The following FBXO15 variants were observed in gnomAD, a reference collection of about 807,000 sequenced individuals.
FBXO15 encodes F-box only protein 15.
A neutral mutation model predicts 49.5 loss-of-function variants in FBXO15; 30 were observed. The ratio of observed to expected loss-of-function variants is 0.61; its 90% CI spans 0.45 to 0.82. The LOEUF is 0.82. FBXO15 is among the 40% of genes least tolerant of loss of function. FBXO15 has a pLI of 0.00. For missense variants in FBXO15, 591 were observed against 631.5 expected (o/e 0.94, Z 0.69); for synonymous variants, 250 against 232.7 (o/e 1.07, Z -0.68).
intron 8 of FBXO15, among the ~76,000 whole-genome samples, chr18:74,103,002 T>C (rs964134963): frequency 6.6e-6 from 1 of 152,052 alleles, no homozygotes; most frequent in African/African-American, 2.4e-5. Context: ...TTGGGTTCAT[T>C]GTATACTGCT....
rs1568186088 is a variant in FBXO15 at position 74,145,593 on chromosome 18, A to AGTTTTT, written c.116+2076_116+2077insAAAAAC. Reference sequence around the variant, plus strand: ...TTTATCCATAAAATAAACCAACTGCACTTTTTTTTTTTTTTTTTTTTTGCG... The same window carrying AGTTTTT: ...TTTATCCATAAAATAAACCAACTGCAGTTTTTCTTTTTTTTTTTTTTTTTTTTTGCG... On this transcript the variant is annotated intron_variant, in intron 1 of 9. Coordinates refer to ENST00000419743, the MANE Select transcript of FBXO15 (RefSeq NM_001142958.2). 3.6e-4 allele frequency among the ~76,000 whole-genome samples: 39 copies of AGTTTTT among 108,126 alleles called. 1 individual carries two copies. Among genetic ancestry groups the AGTTTTT allele is most frequent in the African/African-American group, 1.7e-3 (38 of 22,142 alleles). The allele number at this position is 108,126 out of a possible 152,430, so 70.9% of individuals were successfully genotyped here. A position where few individuals can be genotyped will look rare whatever the true frequency, so the allele number is the denominator to read the frequency against.
intron 8 of FBXO15, chr18:74,098,376 G>T (rs2145139798): frequency 6.6e-6 from 1 of 152,230 alleles, no homozygotes; most frequent in Non-Finnish European, 1.5e-5. Flanking sequence ...AAAGATATAA[G>T]AAATGAGGGG....
chr18:74,139,551 C>G (rs1978935452), intron 2 of FBXO15, among the ~76,000 whole-genome samples: 1 of 152,120 alleles, frequency 6.6e-6, no homozygotes, highest in African/African-American at 2.4e-5. Flanking sequence ...GTATTAAAAG[C>G]CCAGAACTTG....
intron 8 of FBXO15, among the ~76,000 whole-genome samples, chr18:74,122,386 A>C (rs963659483): frequency 5.9e-5 from 9 of 152,250 alleles, no homozygotes; most frequent in Non-Finnish European, 1.2e-4. Context: ...ATTGGCAGTT[A>C]AAAGGAAAGA....
At chr18:74,089,369 T>C (rs1324630216) in intron 8 of FBXO15, among the ~76,000 whole-genome samples, 1 of 152,162 alleles carries the variant, frequency 6.6e-6, no homozygotes, top group South Asian at 2.1e-4. Context: ...AGGCATATAA[T>C]CATCTTGCCT....
At chr18:74,144,344 A>G (rs1979273672) in intron 1 of FBXO15, among the ~76,000 whole-genome samples, 1 of 152,038 alleles carries the variant, frequency 6.6e-6, no homozygotes, top group Admixed American at 6.5e-5. Context: ...TTTAGGGGGC[A>G]TAACTCCATG....
At chr18:74,129,289 T>G in intron 5 of FBXO15, 116 bp downstream of exon 5, 3 of 842,630 alleles carry the variant, frequency 3.6e-6, no homozygotes, top group South Asian at 3.6e-5. Context: ...GAATGTACAT[T>G]TAATATGTGA....
At chr18:74,107,497 A>G (rs1339145337) in intron 8 of FBXO15, among the ~76,000 whole-genome samples, 1 of 152,228 alleles carries the variant, frequency 6.6e-6, no homozygotes, top group East Asian at 1.9e-4. Flanking sequence ...AAGTGAAGTC[A>G]CAGGGCAAAC....
chr18:74,136,225 A>C (rs1970661374), intron 2 of FBXO15, among the ~76,000 whole-genome samples: 1 of 152,166 alleles, frequency 6.6e-6, no homozygotes, highest in Admixed American at 6.5e-5. Flanking sequence ...TCTGTTACTC[A>C]GGCTAGAATG....
intron 8 of FBXO15, among the ~76,000 whole-genome samples, chr18:74,107,562 T>C (rs188604418): frequency 6.6e-6 from 1 of 152,234 alleles, no homozygotes; most frequent in Admixed American, 6.5e-5. Context: ...CGTAGCTCTA[T>C]TGAGCCAAAA....
chr18:74,143,305 A>C (rs1239505548), intron 1 of FBXO15, among the ~76,000 whole-genome samples: 1 of 152,236 alleles, frequency 6.6e-6, no homozygotes, highest in Non-Finnish European at 1.5e-5. Context: ...GGCCTTTCCA[A>C]GAGAACCAAA....
chr18:74,089,573 A>G (rs1486164941), intron 8 of FBXO15, among the ~76,000 whole-genome samples: 1 of 152,120 alleles, frequency 6.6e-6, no homozygotes, highest in Admixed American at 6.6e-5. Context: ...GATGGCTGTT[A>G]TTATTTTGAA....
chr18:74,109,887 G>A (rs1230319914), intron 8 of FBXO15, among the ~76,000 whole-genome samples: 1 of 151,990 alleles, frequency 6.6e-6, no homozygotes, highest in Non-Finnish European at 1.5e-5. Context: ...TAGATGACGA[G>A]TTGATGAGTG....
Position 74,081,016 on chromosome 18 carries a change from T to C in FBXO15, c.1263+911A>G, listed in dbSNP as rs555616047. On this transcript the variant is annotated intron_variant, in intron 9 of 9. Coordinates refer to ENST00000419743, the MANE Select transcript of FBXO15 (RefSeq NM_001142958.2). ...AAGAAAAAGAAAGAAGGTAGGTCTG[T>C]GCTCTTAAAGGCATGAAACAACATG... 9.8e-5 allele frequency among the ~76,000 whole-genome samples: 15 copies of C among 152,360 alleles called. No individual in the cohort carries two copies. The East Asian group carries it at 2.7e-3, about 27-fold the overall frequency.
In FBXO15 at chr18:74,073,473, C is replaced by T. The variant is rs1227549381; in HGVS notation, c.1521G>A (p.Gly507=). The T allele has an allele frequency of 6.2e-7, 1 of 1,613,770 alleles. No homozygotes were observed. Among genetic ancestry groups the T allele is most frequent in the African/African-American group, 1.3e-5 (1 of 74,894 alleles). Residue 507 remains glycine (G), a synonymous_variant, in exon 10 of 10, where the codon GGG becomes GGA. Coordinates refer to ENST00000419743, the MANE Select transcript of FBXO15 (RefSeq NM_001142958.2). ...LSIAKINHWF[G]TEY is the part of the protein sequence containing the mutation. ...TTGCCACCTACTGCTAATATTCAGT[C>T]CCAAACCAATGGTTGATTTTTGCGA...
chr18:74,146,926 G>A (rs759895986), intron 1 of FBXO15: 1 of 152,154 alleles, frequency 6.6e-6, no homozygotes. Flanking sequence ...TAATCCTCAA[G>A]AATGTAAACC....
intron 8 of FBXO15, among the ~76,000 whole-genome samples, chr18:74,115,242 A>G (rs1914178514): frequency 6.6e-6 from 1 of 152,216 alleles, no homozygotes; most frequent in African/African-American, 2.4e-5. Flanking sequence ...GCACTGGCTG[A>G]GCTGGGAGAT....
rs58739905 is a variant in FBXO15, at chr18:74,110,194, C to CATATATATATATATAT, written c.1138+13158_1138+13173dup. 7.7e-4 allele frequency among the ~76,000 whole-genome samples: 110 copies of CATATATATATATATAT among 143,582 alleles called. 1 individual carries two copies. Among genetic ancestry groups the CATATATATATATATAT allele is most frequent in the African/African-American group, 2.7e-3 (104 of 39,058 alleles). 94.2% of individuals were successfully genotyped at this position (143,582 alleles called of 152,430 possible). ...ATATATATATATACACATATGTGTG[C>CATATATATATATATAT]ATATATATATATATATATGTTTATG... is the stretch of plus-strand genomic sequence containing the variant. On this transcript the variant is annotated intron_variant, in intron 8 of 9. Transcript: ENST00000419743.
chr18:74,138,490 G>C (rs1978862416), intron 2 of FBXO15, among the ~76,000 whole-genome samples: 1 of 151,996 alleles, frequency 6.6e-6, no homozygotes, highest in Non-Finnish European at 1.5e-5. Context: ...GCTCTTCCCT[G>C]CCTGCTTGGT....
Sources: allele counts gnomAD v4.1 joint callset (sites outside exome capture counted in the v4.1 genomes callset), GRCh38; gene constraint gnomAD v4.1.1; transcripts MANE v1.5; gene names NCBI Gene and HGNC (gene_info 2026-07-23, HGNC 2026-07-21).